Variants in GRM7 observed in about 807,000 individuals in gnomAD.
GRM7 encodes glutamate metabotropic receptor 7.
GRM7 carries 35 observed loss-of-function variants against 84.5 expected under a neutral mutation model. That is an observed-to-expected ratio of 0.41 (90% confidence interval 0.32 to 0.55). GRM7 has a LOEUF of 0.55. Among genes scored for constraint, GRM7 ranks in the 20% least tolerant of loss-of-function variants. GRM7 has a pLI of 0.19. For synonymous variants in GRM7, 487 were observed against 455.1 expected, an observed-to-expected ratio of 1.07 and a Z score of -0.89; for missense variants, 1,003 against 1,194.6, an observed-to-expected ratio of 0.84 and a Z score of 2.36.
chr3:7,326,290 T>C (rs1700984024), intron 4 of GRM7, among the ~76,000 whole-genome samples: 1 of 151,820 alleles, frequency 6.6e-6, no homozygotes, highest in African/African-American at 2.4e-5. Context: ...GTCTCACTTC[T>C]TCAGTGTTGG....
At chr3:7,579,691 A>G (rs1241237107) in intron 8 of GRM7, among the ~76,000 whole-genome samples, 6 of 151,638 alleles carry the variant, frequency 4.0e-5, no homozygotes, top group African/African-American at 1.2e-4. Context: ...ACTTACCCAC[A>G]TATTTTTTGG....
intron 2 of GRM7, among the ~76,000 whole-genome samples, chr3:7,201,095 G>A (rs1055959337): frequency 1.6e-3 from 237 of 145,692 alleles, no homozygotes; most frequent in African/African-American, 5.7e-3. Flanking sequence ...TCAGCCTCCC[G>A]AGTGGCTGGG....
intron 9 of GRM7, among the ~76,000 whole-genome samples, chr3:7,733,721 A>G (rs958819880): frequency 5.9e-5 from 9 of 152,284 alleles, no homozygotes; most frequent in Non-Finnish European, 1.2e-4. Context: ...GACAATCTGC[A>G]GGTTTATTGA....
intron 1 of GRM7, among the ~76,000 whole-genome samples, chr3:6,898,904 G>A (rs1185181192): frequency 1.3e-5 from 2 of 152,144 alleles, no homozygotes; most frequent in East Asian, 3.9e-4. Flanking sequence ...TGCATGACTG[G>A]TGGTATTGCC....
At chr3:7,334,448 C>T (rs543763141) in intron 4 of GRM7, among the ~76,000 whole-genome samples, 4 of 150,328 alleles carry the variant, frequency 2.7e-5, no homozygotes, top group South Asian at 2.1e-4. Context: ...AAAATAGAAT[C>T]CGCCCAAAGC....
intron 1 of GRM7, chr3:6,892,676 A>G (rs938648309): frequency 1.3e-5 from 2 of 152,154 alleles, no homozygotes; most frequent in Non-Finnish European, 2.9e-5. Context: ...CGTTTTACAT[A>G]TCACATGCTA....
intron 1 of GRM7, among the ~76,000 whole-genome samples, chr3:6,915,961 A>G (rs745471417): frequency 5.9e-5 from 9 of 152,210 alleles, no homozygotes; most frequent in Non-Finnish European, 1.3e-4. Flanking sequence ...GTCTGTTCTA[A>G]TCAGTGGTAT....
chr3:7,291,400 C>G (rs1350748154), intron 2 of GRM7, among the ~76,000 whole-genome samples: 1 of 151,888 alleles, frequency 6.6e-6, no homozygotes, highest in Non-Finnish European at 1.5e-5. Context: ...AGGAGTAGGT[C>G]ATCCTTTTGC....
intron 1 of GRM7, among the ~76,000 whole-genome samples, chr3:6,921,792 C>G (rs1354518158): frequency 6.6e-6 from 1 of 152,120 alleles, no homozygotes; most frequent in Non-Finnish European, 1.5e-5. Flanking sequence ...CCTGTTATCT[C>G]ATTTTGGAAT....
intron 2 of GRM7, among the ~76,000 whole-genome samples, chr3:7,166,394 T>C (rs976800063): frequency 5.9e-5 from 9 of 152,230 alleles, no homozygotes; most frequent in African/African-American, 2.2e-4. Flanking sequence ...TTTTCCATGA[T>C]AGGATTGTTT....
chr3:7,390,644 G>C (rs1327785870), intron 4 of GRM7, among the ~76,000 whole-genome samples: 2 of 152,052 alleles, frequency 1.3e-5, no homozygotes, highest in Non-Finnish European at 2.9e-5. Context: ...CACTTAGTCT[G>C]TTAAGGCGTC....
chr3:7,552,858 A>T (rs1398091722), intron 7 of GRM7, among the ~76,000 whole-genome samples: 1 of 152,148 alleles, frequency 6.6e-6, no homozygotes, highest in East Asian at 1.9e-4. Flanking sequence ...CATTTTCCAC[A>T]TTGTCTTGGT....
At chr3:7,186,912 T>C (rs754871481) in intron 2 of GRM7, among the ~76,000 whole-genome samples, 10 of 152,182 alleles carry the variant, frequency 6.6e-5, no homozygotes, top group Non-Finnish European at 1.3e-4. Flanking sequence ...ACGTTTCATA[T>C]ACATATGTCA....
At chr3:7,332,686 A>C (rs1701253462) in intron 4 of GRM7, among the ~76,000 whole-genome samples, 1 of 152,168 alleles carries the variant, frequency 6.6e-6, no homozygotes, top group Non-Finnish European at 1.5e-5. Flanking sequence ...TTGTGAACTT[A>C]TGCTCCAAGA....
chr3:7,301,101 T>C (rs1245091421), intron 3 of GRM7, among the ~76,000 whole-genome samples: 1 of 152,198 alleles, frequency 6.6e-6, no homozygotes, highest in Non-Finnish European at 1.5e-5. Context: ...CCATCCAAAA[T>C]GCATAACTCT....
intron 1 of GRM7, among the ~76,000 whole-genome samples, chr3:6,994,301 T>C (rs756035865): frequency 1.2e-4 from 18 of 152,174 alleles, no homozygotes; most frequent in Non-Finnish European, 2.2e-4. Flanking sequence ...ACAGACCCTA[T>C]GCAGGGAGGT....
At chr3:6,865,078 A>G (rs1694894802) in intron 1 of GRM7, among the ~76,000 whole-genome samples, 1 of 152,246 alleles carries the variant, frequency 6.6e-6, no homozygotes, top group African/African-American at 2.4e-5. Context: ...GTGTGTGGCC[A>G]GGGCTCTGCC....
Position 7,708,922 on chromosome 3 carries a change from T to C in GRM7, c.2698+28627T>C, listed in dbSNP as rs148101847. ...TATGTATTATATATAATTTAAAAAT[T>C]GTGTGTATGCACACACAACTGAGAC... On this transcript the variant is annotated intron_variant, in intron 9 of 9. Transcript: ENST00000357716. Among the ~76,000 whole-genome samples, 432 of 151,898 alleles carry C rather than the reference T, an allele frequency of 2.8e-3. 9 individuals are homozygous for C. The highest frequency in any genetic ancestry group is 0.023 in the Admixed American group (345 of 15,252).
chr3:7,196,122 G>T (rs1478424978), intron 2 of GRM7, among the ~76,000 whole-genome samples: 2 of 152,026 alleles, frequency 1.3e-5, no homozygotes, highest in Non-Finnish European at 2.9e-5. Context: ...CAAACCTGCT[G>T]AGTGGGTCAG....
Sources: allele counts gnomAD v4.1 joint callset (sites outside exome capture counted in the v4.1 genomes callset), GRCh38; gene constraint gnomAD v4.1.1; transcripts MANE v1.5; gene names NCBI Gene and HGNC (gene_info 2026-07-23, HGNC 2026-07-21).